ASIC2: variants seen among roughly 807,000 people sequenced by gnomAD.
ASIC2 encodes acid sensing ion channel subunit 2, also known as acid-sensing ion channel 2.
ASIC2 carries 25 observed loss-of-function variants against 57.3 expected under a neutral mutation model. The ratio of observed to expected loss-of-function variants is 0.44; its 90% CI spans 0.32 to 0.61. The LOEUF (loss-of-function observed/expected upper bound fraction) is 0.61, where lower values mean the gene tolerates loss of function less well. Among genes scored for constraint, ASIC2 ranks in the 20% least tolerant of loss-of-function variants. ASIC2 has a pLI of 0.06. For synonymous variants in ASIC2, 319 were observed against 307.5 expected (o/e 1.04, Z -0.39); for missense variants, 641 against 738.1 (o/e 0.87, Z 1.52).
chr17:33,377,280 A>T (rs1909314367), intron 1 of ASIC2, among the ~76,000 whole-genome samples: 1 of 152,162 alleles, frequency 6.6e-6, no homozygotes, highest in Non-Finnish European at 1.5e-5. Context: ...CAAACTCCTG[A>T]CCTCAAGGGA....
chr17:33,563,387 G>A (rs8071175), intron 1 of ASIC2, among the ~76,000 whole-genome samples: 1,713 of 152,204 alleles, frequency 0.011, 32 homozygotes, highest in African/African-American at 0.038. Context: ...AGGATAAACC[G>A]GGAATTAAAT....
intron 1 of ASIC2, among the ~76,000 whole-genome samples, chr17:33,829,149 C>A (rs1395876267): frequency 6.6e-6 from 1 of 152,126 alleles, no homozygotes; most frequent in Non-Finnish European, 1.5e-5. Context: ...GAGAAAGAGA[C>A]CCCACCTGGT....
At chr17:33,989,652 G>C (rs1222323454) in intron 1 of ASIC2, among the ~76,000 whole-genome samples, 4 of 152,044 alleles carry the variant, frequency 2.6e-5, no homozygotes, top group Admixed American at 2.6e-4. Context: ...GATTAGATAA[G>C]AATAGCACAA....
At chr17:33,158,163 A>G (rs944667512) in intron 1 of ASIC2, among the ~76,000 whole-genome samples, 6 of 151,916 alleles carry the variant, frequency 3.9e-5, no homozygotes, top group Admixed American at 1.3e-4. Context: ...GTATAACCCT[A>G]CTGATTTGTT....
rs144872566 is a variant in ASIC2 at position 33,836,111 on chromosome 17, T to A, written c.555+319867A>T. 7.7e-3 allele frequency among the ~76,000 whole-genome samples: 1,103 copies of A among 142,800 alleles called. 13 individuals are homozygous for A. The highest frequency in any genetic ancestry group is 0.026 in the African/African-American group (1,039 of 39,826). The allele number at this position is 142,800 out of a possible 152,430, so 93.7% of individuals were successfully genotyped here. A position where few individuals can be genotyped will look rare whatever the true frequency, so the allele number is the denominator to read the frequency against. ...ATATAATTATCTCATTTACCCCTCA[T>A]ACAGCTTTTTTTTTTTTTTTTTTTT... On this transcript the variant is annotated intron_variant, in intron 1 of 9. Transcript: ENST00000359872.
chr17:33,464,611 C>CT (rs1597737772), intron 1 of ASIC2, among the ~76,000 whole-genome samples: 1 of 143,854 alleles, frequency 7.0e-6, no homozygotes, highest in Non-Finnish European at 1.5e-5. Flanking sequence ...TTCTTCCTTT[C>CT]TTTTTTCTTT....
At chr17:33,456,923 C>G (rs1354343861) in intron 1 of ASIC2, among the ~76,000 whole-genome samples, 1 of 152,200 alleles carries the variant, frequency 6.6e-6, no homozygotes, top group Non-Finnish European at 1.5e-5. Context: ...CTAAATGTGG[C>G]AAAGTGTCTA....
intron 1 of ASIC2, among the ~76,000 whole-genome samples, chr17:33,611,193 G>A (rs1905399131): frequency 1.3e-5 from 2 of 152,056 alleles, no homozygotes; most frequent in South Asian, 4.2e-4. Flanking sequence ...CCCCTCTCCT[G>A]TCCAGATTTA....
intron 1 of ASIC2, among the ~76,000 whole-genome samples, chr17:33,126,142 T>C (rs2092322210): frequency 6.6e-6 from 1 of 152,090 alleles, no homozygotes; most frequent in Admixed American, 6.5e-5. Context: ...GATGAGGAAA[T>C]TGGGGTTCAG....
intron 1 of ASIC2, among the ~76,000 whole-genome samples, chr17:33,443,662 C>G (rs1256979017): frequency 1.3e-5 from 2 of 151,360 alleles, no homozygotes; most frequent in African/African-American, 4.9e-5. Flanking sequence ...GTGATCCGCC[C>G]GCCTCGGCCT....
intron 1 of ASIC2, among the ~76,000 whole-genome samples, chr17:34,134,131 G>A (rs1426700873): frequency 1.3e-5 from 2 of 152,156 alleles, no homozygotes; most frequent in Admixed American, 1.3e-4. Context: ...ATCTGTAATG[G>A]TTAATGCCCC....
intron 3 of ASIC2, among the ~76,000 whole-genome samples, chr17:33,064,949 G>A (rs867126748): frequency 3.9e-5 from 6 of 152,126 alleles, no homozygotes; most frequent in Admixed American, 1.3e-4. Context: ...GTACTGTGGG[G>A]AATGATTGAG....
intron 1 of ASIC2, among the ~76,000 whole-genome samples, chr17:33,134,855 A>C (rs1389409840): frequency 6.6e-6 from 1 of 152,126 alleles, no homozygotes; most frequent in Non-Finnish European, 1.5e-5. Context: ...CTCAGACTCT[A>C]ATAAGTTCTG....
intron 1 of ASIC2, chr17:34,071,512 A>C (rs1909400646): frequency 6.6e-6 from 1 of 152,200 alleles, no homozygotes; most frequent in Non-Finnish European, 1.5e-5. Context: ...GGGGGCGGGG[A>C]GATAGAAGGA....
chr17:33,488,561 G>A (rs1407490500), intron 1 of ASIC2, among the ~76,000 whole-genome samples: 3 of 152,076 alleles, frequency 2.0e-5, no homozygotes, highest in Non-Finnish European at 2.9e-5. Flanking sequence ...GCTATGTTTG[G>A]TGAATATATA....
intron 1 of ASIC2, among the ~76,000 whole-genome samples, chr17:34,015,613 C>T (rs920517021): frequency 6.6e-6 from 1 of 152,228 alleles, no homozygotes; most frequent in African/African-American, 2.4e-5. Context: ...CCCTCATCTT[C>T]ATCATTTCAA....
intron 3 of ASIC2, among the ~76,000 whole-genome samples, chr17:33,062,599 G>A (rs548411079): frequency 1.3e-5 from 2 of 152,304 alleles, no homozygotes; most frequent in South Asian, 4.1e-4. Flanking sequence ...GTCAATTTTG[G>A]AAGAGGTGTG....
chr17:33,392,191 CTT>C (rs1314932839), intron 1 of ASIC2, among the ~76,000 whole-genome samples: 10 of 6,352 alleles, frequency 1.6e-3, no homozygotes, highest in Non-Finnish European at 3.2e-3. Context: ...TCCTTCCTTC[CTT>C]CCCTCCTTCC....
chr17:33,412,145 G>A (rs1354409036), intron 1 of ASIC2, among the ~76,000 whole-genome samples: 2 of 152,124 alleles, frequency 1.3e-5, no homozygotes, highest in Non-Finnish European at 2.9e-5. Context: ...CTGAGCCTTC[G>A]TTGGGCCAGT....
Sources: allele counts gnomAD v4.1 joint callset (sites outside exome capture counted in the v4.1 genomes callset), GRCh38; gene constraint gnomAD v4.1.1; transcripts MANE v1.5; gene names NCBI Gene and HGNC (gene_info 2026-07-23, HGNC 2026-07-21).